The following MSTO1 variants were observed in gnomAD, a reference collection of about 807,000 sequenced individuals.
The protein encoded by MSTO1 is misato mitochondrial distribution and morphology regulator 1.
MSTO1 carries 24 observed loss-of-function variants against 55.7 expected under a neutral mutation model. The observed-to-expected ratio is 0.43, with a 90% CI of 0.31 to 0.61. The LOEUF is 0.61. Among genes scored for constraint, MSTO1 ranks in the 20% least tolerant of loss-of-function variants. The pLI is 0.09. For missense variants in MSTO1, 363 were observed against 625.7 expected (o/e 0.58, Z 4.48); for synonymous variants, 162 against 252.8 (o/e 0.64, Z 3.41).
At position 155,614,662 on chromosome 1, in the gene MSTO1, G is replaced by A. The variant is rs113976623; in HGVS notation, c.*389G>A. ...CTGTACAAGCAGAGTACAACTACCCGCCTCCCCGGTGCCAGGGCGCCTGTT... is the reference window on the plus strand; with the variant it reads ...CTGTACAAGCAGAGTACAACTACCCACCTCCCCGGTGCCAGGGCGCCTGTT... On this transcript the variant is annotated 3_prime_UTR_variant, in exon 14 of 14. Transcript: ENST00000245564. The A allele has an allele frequency of 2.5e-3, 3,732 of 1,508,116 alleles. 71 individuals are homozygous for A. In the African/African-American group the frequency reaches 0.042, roughly 17 times the overall value. The allele number at this position is 1,508,116 out of a possible 1,614,324, so 93.4% of individuals were successfully genotyped here. A position where few individuals can be genotyped will look rare whatever the true frequency, so the allele number is the denominator to read the frequency against.
At chr1:155,588,749 G>A in the MSTO1 span, among the ~76,000 whole-genome samples, 3 of 152,200 alleles carry the variant, frequency 2.0e-5, no homozygotes, top group South Asian at 2.1e-4. Flanking sequence ...GGGATTAGTC[G>A]AGTCAGCAGG....
chr1:155,571,836 T>G, the MSTO1 span, among the ~76,000 whole-genome samples: 1 of 151,692 alleles, frequency 6.6e-6, no homozygotes, highest in Non-Finnish European at 1.5e-5. Context: ...TCACTTGAGG[T>G]CAGGAGGTCA....
chr1:155,609,494 C>A (rs1395367591), upstream of MSTO1, among the ~76,000 whole-genome samples: 1 of 149,110 alleles, frequency 6.7e-6, no homozygotes. Flanking sequence ...GTGATCTGCC[C>A]GCCTCAGCCT....
the MSTO1 span, among the ~76,000 whole-genome samples, chr1:155,584,670 CAAAAAAAAA>C: frequency 1.4e-5 from 1 of 72,866 alleles, no homozygotes; most frequent in Non-Finnish European, 2.3e-5. Context: ...GAGCTTGTCT[CAAAAAAAAA>C]AAAAAAAAAA....
chr1:155,598,880 C>CA, the MSTO1 span: 3 of 1,455,388 alleles, frequency 2.1e-6, no homozygotes, highest in African/African-American at 2.8e-5. Context: ...CATTTCTGTG[C>CA]AAAACAGGAC....
At chr1:155,564,996 C>T in the MSTO1 span, among the ~76,000 whole-genome samples, 10 of 152,214 alleles carry the variant, frequency 6.6e-5, no homozygotes, top group South Asian at 4.1e-4. Flanking sequence ...TGGTGGGCGC[C>T]TGTAATCCCA....
the MSTO1 span, among the ~76,000 whole-genome samples, chr1:155,604,613 G>A: frequency 6.6e-6 from 1 of 152,082 alleles, no homozygotes; most frequent in South Asian, 2.1e-4. Context: ...CGGTGGCTCA[G>A]GCCTGTAATC....
chr1:155,573,605 A>G, the MSTO1 span, among the ~76,000 whole-genome samples: 1 of 151,782 alleles, frequency 6.6e-6, no homozygotes, highest in Non-Finnish European at 1.5e-5. Context: ...TGGGATGGTG[A>G]AACTGGCTGA....
chr1:155,605,727 G>C (rs1433280591), upstream of MSTO1, among the ~76,000 whole-genome samples: 1 of 152,148 alleles, frequency 6.6e-6, no homozygotes, highest in Non-Finnish European at 1.5e-5. Context: ...AGTGAGCTCT[G>C]ATCCAGCCAT....
At chr1:155,587,404 C>G in the MSTO1 span, among the ~76,000 whole-genome samples, 1 of 128,618 alleles carries the variant, frequency 7.8e-6, no homozygotes, top group Non-Finnish European at 1.6e-5. Flanking sequence ...TGTGCTGCTG[C>G]ACTGAAGCCT....
chr1:155,571,311 T>C, the MSTO1 span, among the ~76,000 whole-genome samples: 1 of 152,202 alleles, frequency 6.6e-6, no homozygotes, highest in Non-Finnish European at 1.5e-5. Context: ...GCCTTTTTTT[T>C]CTGTGATTTC....
At chr1:155,602,931 AGG>A in the MSTO1 span, among the ~76,000 whole-genome samples, 2 of 152,168 alleles carry the variant, frequency 1.3e-5, no homozygotes, top group African/African-American at 4.8e-5. Context: ...TGTCTAGACC[AGG>A]GGCCTTCAAC....
At chr1:155,591,322 C>T in the MSTO1 span, 6 of 1,259,294 alleles carry the variant, frequency 4.8e-6, no homozygotes, top group Non-Finnish European at 6.6e-6. Context: ...GCCAAGTCGA[C>T]ACTTAATATT....
At position 155,614,022 on chromosome 1, in the gene MSTO1, A is replaced by G. The variant is rs1675101976; in HGVS notation, c.1499-37A>G. 3.1e-6 allele frequency: 5 copies of G among 1,605,088 alleles called. No individual in the cohort carries two copies. The African/African-American group carries it at 6.7e-5, about 21-fold the overall frequency. On this transcript the variant is annotated intron_variant, in intron 13 of 13. Coordinates refer to ENST00000245564, the MANE Select transcript of MSTO1 (RefSeq NM_018116.4). ...GGCAGAGTCCCAGGGCAGAATAATC[A>G]TCCATCTACAGGTCTCTGTTTCCTC...
chr1:155,574,468 A>G, the MSTO1 span, among the ~76,000 whole-genome samples: 1 of 152,196 alleles, frequency 6.6e-6, no homozygotes, highest in Non-Finnish European at 1.5e-5. Context: ...TTGTATATAT[A>G]TATATAGACA....
chr1:155,590,980 A>C, the MSTO1 span: 1 of 1,614,014 alleles, frequency 6.2e-7, no homozygotes, highest in Non-Finnish European at 8.5e-7. Flanking sequence ...GTAGACCAGC[A>C]AGCCGAACAG....
At position 155,614,496 on chromosome 1, in the gene MSTO1, T is replaced by G; in HGVS notation, c.*223T>G. 4.6e-6 allele frequency: 3 copies of G among 655,888 alleles called. No individual in the cohort carries two copies. The highest frequency in any genetic ancestry group is 8.0e-6 in the Non-Finnish European group (3 of 375,542). 40.6% of individuals were successfully genotyped at this position (655,888 alleles called of 1,614,324 possible). On this transcript the variant is annotated 3_prime_UTR_variant, in exon 14 of 14. Coordinates refer to ENST00000245564, the MANE Select transcript of MSTO1 (RefSeq NM_018116.4). Reference sequence around the variant, plus strand: ...GCTGAACTCCACTCTCGATGCTACTTACAGAGGACATCTGTAAAGTCTTCA... The same window carrying G: ...GCTGAACTCCACTCTCGATGCTACTGACAGAGGACATCTGTAAAGTCTTCA...
At chr1:155,574,523 T>C in the MSTO1 span, among the ~76,000 whole-genome samples, 1 of 152,160 alleles carries the variant, frequency 6.6e-6, no homozygotes, top group Admixed American at 6.6e-5. Context: ...GTACGAAAGC[T>C]CTTCGTACTA....
At chr1:155,606,927 C>T (rs971252904), upstream of MSTO1, among the ~76,000 whole-genome samples, 1 of 151,960 alleles carries the variant, frequency 6.6e-6, no homozygotes, top group African/African-American at 2.4e-5. Context: ...CTTTGCCTGT[C>T]GGGTTCAAGC....
Sources: gnomAD v4.1 joint callset for allele counts (sites outside exome capture counted in the v4.1 genomes callset) on GRCh38, gnomAD v4.1.1 for gene constraint, MANE v1.5 for transcripts, NCBI Gene and HGNC (gene_info 2026-07-23, HGNC 2026-07-21) for gene names.